The following CLSTN2 variants were observed in gnomAD, a reference collection of about 807,000 sequenced individuals.
The protein encoded by CLSTN2 is calsyntenin 2, also known as calsyntenin-2.
CLSTN2 carries 48 observed loss-of-function variants against 101.2 expected under a neutral mutation model. The observed-to-expected ratio is 0.47, with a 90% CI of 0.38 to 0.60. CLSTN2 has a LOEUF of 0.60. Ranked by LOEUF, CLSTN2 falls within the 20% of genes least tolerant of loss-of-function variation. The pLI is 0.00. For synonymous variants in CLSTN2, 481 were observed against 463.6 expected (o/e 1.04, Z -0.48); for missense variants, 1,160 against 1,238.2 (o/e 0.94, Z 0.95).
chr3:140,322,286 T>C (rs535477222), intron 2 of CLSTN2, among the ~76,000 whole-genome samples: 1 of 152,364 alleles, frequency 6.6e-6, no homozygotes, highest in East Asian at 1.9e-4. Context: ...AGAGTTATTT[T>C]CTTGTGCATC....
intron 2 of CLSTN2, among the ~76,000 whole-genome samples, chr3:140,371,590 A>G (rs953609370): frequency 2.0e-5 from 3 of 152,208 alleles, no homozygotes; most frequent in Admixed American, 6.5e-5. Flanking sequence ...CACTCAGACC[A>G]GAGCCTCAAT....
intron 2 of CLSTN2, among the ~76,000 whole-genome samples, chr3:140,245,137 C>A (rs2086504511): frequency 6.6e-6 from 1 of 152,132 alleles, no homozygotes. Flanking sequence ...ACTTGATAAC[C>A]ACGTGTTCCA....
chr3:140,362,314 G>T (rs556199344), intron 2 of CLSTN2, among the ~76,000 whole-genome samples: 1 of 152,170 alleles, frequency 6.6e-6, no homozygotes, highest in Admixed American at 6.5e-5. Flanking sequence ...ACTAAAAATG[G>T]ATCATTAATT....
intron 2 of CLSTN2, among the ~76,000 whole-genome samples, chr3:140,375,683 C>T (rs963105554): frequency 1.8e-4 from 28 of 152,178 alleles, no homozygotes; most frequent in African/African-American, 5.3e-4. Context: ...CCTCTCATCA[C>T]GTTCAACTTT....
chr3:140,398,693 T>A (rs1187434200), intron 2 of CLSTN2, among the ~76,000 whole-genome samples: 1 of 152,234 alleles, frequency 6.6e-6, no homozygotes, highest in Admixed American at 6.5e-5. Context: ...GCTGTCAAAG[T>A]GACCTTGGAT....
intron 1 of CLSTN2, among the ~76,000 whole-genome samples, chr3:139,938,114 G>A (rs1471779043): frequency 6.9e-6 from 1 of 144,782 alleles, no homozygotes; most frequent in Non-Finnish European, 1.5e-5. Context: ...CCATTTTTAA[G>A]GTTCATACCA....
At chr3:140,335,463 A>G (rs1026540759) in intron 2 of CLSTN2, among the ~76,000 whole-genome samples, 1 of 151,734 alleles carries the variant, frequency 6.6e-6, no homozygotes, top group Non-Finnish European at 1.5e-5. Flanking sequence ...GGCCAAAAAA[A>G]AAAAAGCCCC....
intron 4 of CLSTN2, among the ~76,000 whole-genome samples, chr3:140,405,462 A>G (rs1469268971): frequency 6.6e-6 from 1 of 152,118 alleles, no homozygotes; most frequent in Non-Finnish European, 1.5e-5. Flanking sequence ...CCTGACCTCA[A>G]GTGATCCACC....
At chr3:140,450,746 A>G (rs533476154) in intron 6 of CLSTN2, among the ~76,000 whole-genome samples, 1 of 152,218 alleles carries the variant, frequency 6.6e-6, no homozygotes, top group Admixed American at 6.5e-5. Context: ...ATACACACAC[A>G]CAAGCACACA....
chr3:140,218,399 CTTA>C (rs776287104), intron 2 of CLSTN2, among the ~76,000 whole-genome samples: 2 of 152,094 alleles, frequency 1.3e-5, no homozygotes, highest in African/African-American at 2.4e-5. Flanking sequence ...CTTTTGCTCA[CTTA>C]TTATTATCCT....
In CLSTN2 at chr3:140,566,334, C is replaced by T; in HGVS notation, c.*81C>T. On this transcript the variant is annotated 3_prime_UTR_variant, in exon 17 of 17. Coordinates refer to ENST00000458420, the MANE Select transcript of CLSTN2 (RefSeq NM_022131.3). The stretch of plus-strand genomic sequence containing the variant: ...GTATGCCCATGTCTATCATACCTCA[C>T]CTCTGATGTCTGTGACATGTCTGGG... 1 of 1,347,960 alleles carries T rather than the reference C, an allele frequency of 7.4e-7. No individual in the cohort carries two copies. The highest frequency in any genetic ancestry group is 1.0e-6 in the Non-Finnish European group (1 of 969,216). 83.5% of individuals were successfully genotyped at this position (1,347,960 alleles called of 1,614,324 possible).
At chr3:140,073,058 A>C (rs1364903051) in intron 1 of CLSTN2, among the ~76,000 whole-genome samples, 1 of 152,206 alleles carries the variant, frequency 6.6e-6, no homozygotes. Context: ...TGTCCTGGTA[A>C]ACACAAACAC....
chr3:140,161,465 T>C (rs2010045202), intron 1 of CLSTN2, among the ~76,000 whole-genome samples: 1 of 152,164 alleles, frequency 6.6e-6, no homozygotes. Flanking sequence ...ATGCTCCCCT[T>C]CCTTTTTCCA....
At chr3:139,996,891 T>C (rs2006676068) in intron 1 of CLSTN2, among the ~76,000 whole-genome samples, 1 of 151,580 alleles carries the variant, frequency 6.6e-6, no homozygotes, top group African/African-American at 2.4e-5. Flanking sequence ...CTACTAAAAA[T>C]ACAAAATTAG....
chr3:139,989,181 A>G (rs1449436129), intron 1 of CLSTN2, among the ~76,000 whole-genome samples: 1 of 152,020 alleles, frequency 6.6e-6, no homozygotes, highest in African/African-American at 2.4e-5. Context: ...GATGTTGCAA[A>G]CCCTATCAGA....
intron 1 of CLSTN2, among the ~76,000 whole-genome samples, chr3:140,120,926 C>T (rs2009330459): frequency 6.6e-6 from 1 of 152,202 alleles, no homozygotes; most frequent in Non-Finnish European, 1.5e-5. Flanking sequence ...GGTACACACA[C>T]ATTTTCAATG....
chr3:140,556,384 G>A, intron 10 of CLSTN2, 129 bp from the exon 11 acceptor site: 1 of 790,642 alleles, frequency 1.3e-6, no homozygotes. Flanking sequence ...ACACACAACT[G>A]TGTCACTGGC....
intron 8 of CLSTN2, among the ~76,000 whole-genome samples, chr3:140,473,616 C>T (rs1933903527): frequency 6.6e-6 from 1 of 152,240 alleles, no homozygotes; most frequent in African/African-American, 2.4e-5. Flanking sequence ...GGGAAGGAAA[C>T]GGATCCTCCA....
At chr3:140,128,662 T>C (rs1005914729) in intron 1 of CLSTN2, among the ~76,000 whole-genome samples, 57 of 152,306 alleles carry the variant, frequency 3.7e-4, no homozygotes, top group African/African-American at 1.3e-3. Flanking sequence ...TGCATTACAG[T>C]GATCCTACTG....
Sources: allele counts gnomAD v4.1 joint callset (sites outside exome capture counted in the v4.1 genomes callset), GRCh38; gene constraint gnomAD v4.1.1; transcripts MANE v1.5; gene names NCBI Gene and HGNC (gene_info 2026-07-23, HGNC 2026-07-21).